Variants in DAB2IP observed in about 807,000 individuals in gnomAD.
DAB2IP encodes the protein DAB2 interacting protein, also known as disabled homolog 2-interacting protein.
Under a neutral mutation model 107.2 loss-of-function variants are expected in DAB2IP, and 28 were observed. The observed-to-expected ratio is 0.26, with a 90% CI of 0.19 to 0.36. The LOEUF is 0.36. Ranked by LOEUF, DAB2IP falls within the 10% of genes least tolerant of loss-of-function variation. DAB2IP has a pLI of 1.00. For synonymous variants in DAB2IP, 755 were observed against 706.4 expected (o/e 1.07, Z -1.09); for missense variants, 1,400 against 1,644.7 (o/e 0.85, Z 2.57).
intron 1 of DAB2IP, among the ~76,000 whole-genome samples, chr9:121,616,471 A>G (rs990635738): frequency 1.2e-4 from 19 of 152,116 alleles, no homozygotes; most frequent in Non-Finnish European, 5.9e-5. Flanking sequence ...GCAGGGGGAT[A>G]CCCACATAGG....
At chr9:121,678,631 G>A (rs1828401844) in intron 1 of DAB2IP, 47 bp from the exon 2 acceptor site, 15 of 1,427,464 alleles carry the variant, frequency 1.1e-5, no homozygotes, top group Non-Finnish European at 1.2e-5. Context: ...CTAGCTGTGT[G>A]GCCTTGGCTG....
intron 3 of DAB2IP, among the ~76,000 whole-genome samples, chr9:121,756,038 A>G (rs1300816193): frequency 6.6e-6 from 1 of 152,132 alleles, no homozygotes; most frequent in Non-Finnish European, 1.5e-5. Flanking sequence ...AGCCCTGGAC[A>G]CAAGCAGGGC....
chr9:121,773,195 G>A (rs113815211), exon 12 of DAB2IP: 194 of 1,582,096 alleles, frequency 1.2e-4, no homozygotes, highest in Non-Finnish European at 1.6e-4. Flanking sequence ...CCGGTGAGCT[G>A]GCACGGCGAC....
intron 1 of DAB2IP, among the ~76,000 whole-genome samples, chr9:121,581,131 C>A (rs1028189629): frequency 6.6e-6 from 1 of 152,170 alleles, no homozygotes; most frequent in Admixed American, 6.5e-5. Flanking sequence ...TGCTAAGACC[C>A]AAACCACCCC....
chr9:121,779,657 G>A (rs1420749970), intron 14 of DAB2IP, among the ~76,000 whole-genome samples: 3 of 152,208 alleles, frequency 2.0e-5, no homozygotes, highest in Non-Finnish European at 4.4e-5. Context: ...GGTCCTCTGT[G>A]ATTCCCAGTG....
intron 2 of DAB2IP, among the ~76,000 whole-genome samples, chr9:121,693,214 T>C (rs1351971576): frequency 6.6e-6 from 1 of 152,212 alleles, no homozygotes; most frequent in East Asian, 1.9e-4. Flanking sequence ...CAGGTCCCAC[T>C]GCCCTCTGGG....
Position 121,641,970 on chromosome 9 carries a change from C to CTT in DAB2IP, c.41-36707_41-36706insTT, listed in dbSNP as rs1210851430. On this transcript the variant is annotated intron_variant, in intron 1 of 16. Transcript: ENST00000259371. ...CTTTCCTTTCTTTCTTTCTCTCTCT[C>CTT]TCTTTCTTTCTTTCTTTCTTTCCTT... Among the ~76,000 whole-genome samples the CTT allele has an allele frequency of 9.3e-4, 97 of 104,506 alleles. 2 individuals carry two copies. The highest frequency in any genetic ancestry group is 2.5e-3 in the South Asian group (8 of 3,160). 68.6% of individuals were successfully genotyped at this position (104,506 alleles called of 152,430 possible).
Position 121,614,894 on chromosome 9 carries a change from C to T in DAB2IP, c.40+47666C>T, listed in dbSNP as rs567104345. ...GACTATAGGGGTGCACCACCGCGTT[C>T]GGCTACTTTTTGTATTTTTAGTAGA... On this transcript the variant is annotated intron_variant, in intron 1 of 16. Coordinates refer to the DAB2IP transcript ENST00000259371. Among the ~76,000 whole-genome samples, 6 of 151,910 alleles carry T rather than the reference C, an allele frequency of 3.9e-5. No homozygotes were observed. In the South Asian group the frequency reaches 6.2e-4, roughly 16 times the overall value.
At chr9:121,595,820 A>G (rs1322770830) in intron 1 of DAB2IP, among the ~76,000 whole-genome samples, 3 of 152,154 alleles carry the variant, frequency 2.0e-5, no homozygotes, top group African/African-American at 7.2e-5. Flanking sequence ...ATGTTTAAAG[A>G]ATCTATATGA....
At chr9:121,585,325 C>T (rs190065268) in intron 1 of DAB2IP, among the ~76,000 whole-genome samples, 2 of 152,146 alleles carry the variant, frequency 1.3e-5, no homozygotes, top group East Asian at 3.9e-4. Flanking sequence ...CAGCTCTGTC[C>T]CTTACTAGAT....
intron 1 of DAB2IP, chr9:121,598,130 AG>A (rs1830566372): frequency 6.6e-6 from 1 of 152,278 alleles, no homozygotes; most frequent in South Asian, 2.1e-4. Flanking sequence ...GTCTTCAGAG[AG>A]GACGCTGGCT....
intron 3 of DAB2IP, chr9:121,737,428 C>T: frequency 1.0e-6 from 1 of 985,472 alleles, no homozygotes; most frequent in Non-Finnish European, 1.2e-6. Context: ...TCAGCACGTG[C>T]CTTTCGGGAA....
intron 3 of DAB2IP, among the ~76,000 whole-genome samples, chr9:121,748,009 C>T (rs748849205): frequency 4.6e-5 from 7 of 152,184 alleles, no homozygotes; most frequent in Admixed American, 2.0e-4. Flanking sequence ...AGCGCCCTCT[C>T]GAATCCCTGG....
chr9:121,726,990 G>C (rs1284888570), intron 3 of DAB2IP, among the ~76,000 whole-genome samples: 1 of 152,204 alleles, frequency 6.6e-6, no homozygotes, highest in East Asian at 1.9e-4. Flanking sequence ...GGGGATGGGA[G>C]GTGGAGAGGA....
rs1047485756 is a variant in DAB2IP, at chr9:121,760,965, C to T, written c.1170+526C>T. Among the ~76,000 whole-genome samples the T allele has an allele frequency of 2.0e-5, 3 of 152,176 alleles. No individual in the cohort carries two copies. The highest frequency in any genetic ancestry group is 1.9e-4 in the East Asian group (1 of 5,200). On this transcript the variant is annotated intron_variant, in intron 6 of 15. Coordinates refer to ENST00000408936, the Ensembl canonical transcript of DAB2IP. The surrounding 1 kb of genome is among the most constrained non-coding windows in gnomAD (Gnocchi z 5.9). ...TAGACACAGTCAAAATTGTACTATT[C>T]GAGGGTTAGCCAGCCCCACCCCAGA...
At chr9:121,647,865 T>A (rs908712926), upstream of DAB2IP, among the ~76,000 whole-genome samples, 2 of 149,784 alleles carry the variant, frequency 1.3e-5, no homozygotes, top group African/African-American at 4.9e-5. Context: ...TACATATACG[T>A]ATTATATATA....
intron 3 of DAB2IP, among the ~76,000 whole-genome samples, chr9:121,744,025 C>T (rs1177309021): frequency 1.3e-5 from 2 of 152,192 alleles, no homozygotes; most frequent in Middle Eastern, 3.2e-3. Context: ...GTCCCCCAGG[C>T]GCGGTGTCCC....
At chr9:121,591,619 G>A (rs1405854593) in intron 1 of DAB2IP, among the ~76,000 whole-genome samples, 6 of 152,198 alleles carry the variant, frequency 3.9e-5, no homozygotes, top group African/African-American at 1.4e-4. Context: ...AAAACCTAAT[G>A]AGGAGAACTA....
intron 1 of DAB2IP, among the ~76,000 whole-genome samples, chr9:121,636,772 C>T (rs1428906407): frequency 6.6e-6 from 1 of 152,238 alleles, no homozygotes; most frequent in Non-Finnish European, 1.5e-5. Flanking sequence ...CGTCTTGATT[C>T]CTCCGTTCTA....
Sources: gnomAD v4.1 joint callset for allele counts (sites outside exome capture counted in the v4.1 genomes callset) on GRCh38, gnomAD v4.1.1 for gene constraint, Gnocchi (gnomAD v3.1) non-coding constraint, MANE v1.5 for transcripts, NCBI Gene and HGNC (gene_info 2026-07-23, HGNC 2026-07-21) for gene names.